CDH12: variants seen among roughly 807,000 people sequenced by gnomAD.
CDH12 encodes cadherin 12, also known as cadherin-12.
A neutral mutation model predicts 74.1 loss-of-function variants in CDH12; 41 were observed. That is an observed-to-expected ratio of 0.55 (90% CI 0.43 to 0.72). CDH12 has a LOEUF of 0.72. Among genes scored for constraint, CDH12 ranks in the 30% least tolerant of loss-of-function variants. The pLI is 0.00. For missense variants in CDH12, 945 were observed against 977.2 expected (o/e 0.97, Z 0.44); for synonymous variants, 399 against 355.0 (o/e 1.12, Z -1.39).
intron 3 of CDH12, among the ~76,000 whole-genome samples, chr5:22,247,725 T>G (rs548285533): frequency 6.6e-5 from 10 of 152,168 alleles, no homozygotes; most frequent in African/African-American, 2.2e-4. Flanking sequence ...TTATAGCTTT[T>G]CTCCATATTC....
intron 3 of CDH12, among the ~76,000 whole-genome samples, chr5:22,341,780 C>T (rs1437015297): frequency 1.3e-5 from 2 of 149,374 alleles, no homozygotes; most frequent in African/African-American, 2.6e-5. Flanking sequence ...AATCATACAT[C>T]TCTGCAGAAC....
intron 6 of CDH12, among the ~76,000 whole-genome samples, chr5:21,860,510 T>C (rs1214379721): frequency 3.3e-5 from 5 of 152,048 alleles, no homozygotes; most frequent in Non-Finnish European, 7.4e-5. Flanking sequence ...ACTGGATGTG[T>C]CTGTGAGGTT....
At chr5:21,903,678 T>C (rs1474226307) in intron 6 of CDH12, among the ~76,000 whole-genome samples, 1 of 152,042 alleles carries the variant, frequency 6.6e-6, no homozygotes, top group Non-Finnish European at 1.5e-5. Context: ...TATAACAGTG[T>C]CATAAAATAG....
chr5:22,607,943 C>T (rs1372400247), intron 1 of CDH12, among the ~76,000 whole-genome samples: 2 of 152,202 alleles, frequency 1.3e-5, no homozygotes, highest in African/African-American at 4.8e-5. Context: ...ACCTGGAAGT[C>T]CAGGCAGAAA....
intron 3 of CDH12, among the ~76,000 whole-genome samples, chr5:22,296,895 G>A (rs1737648378): frequency 6.6e-6 from 1 of 152,030 alleles, no homozygotes; most frequent in African/African-American, 2.4e-5. Flanking sequence ...GAACACAGAA[G>A]GGAAAAATAT....
At chr5:22,153,609 G>C (rs573262212) in intron 4 of CDH12, among the ~76,000 whole-genome samples, 67 of 150,972 alleles carry the variant, frequency 4.4e-4, no homozygotes, top group Non-Finnish European at 7.5e-4. Flanking sequence ...TTCTTTATCT[G>C]TAAAGTGGGA....
intron 3 of CDH12, among the ~76,000 whole-genome samples, chr5:22,350,891 C>T (rs1490901002): frequency 6.6e-6 from 1 of 152,122 alleles, no homozygotes; most frequent in Non-Finnish European, 1.5e-5. Context: ...GATTTCACAT[C>T]TAGCAGAGGA....
At chr5:22,035,336 T>C (rs1367293407) in intron 5 of CDH12, among the ~76,000 whole-genome samples, 1 of 152,116 alleles carries the variant, frequency 6.6e-6, no homozygotes, top group Non-Finnish European at 1.5e-5. Context: ...TCAATTTATA[T>C]AAATTAGGTG....
At chr5:22,191,552 G>A (rs919513974) in intron 4 of CDH12, among the ~76,000 whole-genome samples, 6 of 109,708 alleles carry the variant, frequency 5.5e-5, no homozygotes, top group Non-Finnish European at 1.0e-4. Flanking sequence ...TACACCAATG[G>A]TCTTTTTATT....
chr5:22,558,820 G>C (rs1349229663), intron 1 of CDH12, among the ~76,000 whole-genome samples: 1 of 151,948 alleles, frequency 6.6e-6, no homozygotes, highest in Non-Finnish European at 1.5e-5. Context: ...TTTATAAAAT[G>C]GCAATGGAAA....
intron 1 of CDH12, among the ~76,000 whole-genome samples, chr5:22,571,333 T>C (rs144386865): frequency 1.3e-5 from 2 of 150,656 alleles, no homozygotes; most frequent in Non-Finnish European, 3.0e-5. Context: ...TAACTTTTCT[T>C]TTTTTTTTTG....
chr5:22,609,293 T>C (rs1019185339), intron 1 of CDH12, among the ~76,000 whole-genome samples: 8 of 152,196 alleles, frequency 5.3e-5, no homozygotes, highest in African/African-American at 1.9e-4. Context: ...TGTCACTGCT[T>C]AAGCTGGGAA....
chr5:22,258,194 C>T (rs1481702585), intron 3 of CDH12, among the ~76,000 whole-genome samples: 1 of 151,994 alleles, frequency 6.6e-6, no homozygotes, highest in Non-Finnish European at 1.5e-5. Flanking sequence ...TTTTGGGTCA[C>T]ATTTTTAGAA....
intron 7 of CDH12, among the ~76,000 whole-genome samples, chr5:21,852,802 G>T (rs1750542551): frequency 6.6e-6 from 1 of 150,776 alleles, no homozygotes; most frequent in African/African-American, 2.4e-5. Flanking sequence ...TATTCCTCTT[G>T]TCTCTCAGGA....
intron 3 of CDH12, among the ~76,000 whole-genome samples, chr5:22,306,367 G>A (rs1414743577): frequency 6.6e-6 from 1 of 152,052 alleles, no homozygotes; most frequent in Non-Finnish European, 1.5e-5. Context: ...AAAAGAAAGA[G>A]AGAGGGAGGG....
At chr5:21,981,224 G>C (rs1757291648) in intron 5 of CDH12, among the ~76,000 whole-genome samples, 2 of 151,990 alleles carry the variant, frequency 1.3e-5, no homozygotes, top group African/African-American at 4.8e-5. Context: ...AACACTACGT[G>C]ATATCTGAGT....
intron 3 of CDH12, among the ~76,000 whole-genome samples, chr5:22,358,436 A>C (rs1198771048): frequency 6.6e-6 from 1 of 152,158 alleles, no homozygotes; most frequent in East Asian, 1.9e-4. Context: ...AGAAATGCTA[A>C]TAGCCAAAAA....
intron 1 of CDH12, among the ~76,000 whole-genome samples, chr5:22,852,707 T>C (rs941572240): frequency 6.6e-6 from 1 of 152,210 alleles, no homozygotes; most frequent in Non-Finnish European, 1.5e-5. Flanking sequence ...AAATCAGATA[T>C]CTATAAAGCC....
chr5:21,915,460 T>C (rs1461089880), intron 6 of CDH12, among the ~76,000 whole-genome samples: 1 of 152,158 alleles, frequency 6.6e-6, no homozygotes, highest in South Asian at 2.1e-4. Context: ...GGCAAGTTAA[T>C]AATAGGAATA....
Sources: gnomAD v4.1 joint callset for allele counts (sites outside exome capture counted in the v4.1 genomes callset) on GRCh38, gnomAD v4.1.1 for gene constraint, MANE v1.5 for transcripts, NCBI Gene and HGNC (gene_info 2026-07-23, HGNC 2026-07-21) for gene names.